Variants in AKAP6 observed in about 807,000 individuals in gnomAD.
The protein encoded by AKAP6 is A-kinase anchoring protein 6, also known as A-kinase anchor protein 6.
In AKAP6, 58 loss-of-function variants were observed where a neutral mutation model predicts 188.5. The ratio of observed to expected loss-of-function variants is 0.31; its 90% CI spans 0.25 to 0.38. The LOEUF is 0.38. Ranked by LOEUF, AKAP6 falls within the 10% of genes least tolerant of loss-of-function variation. The pLI is 1.00. For synonymous variants in AKAP6, 989 were observed against 998.6 expected (o/e 0.99, Z 0.18); for missense variants, 2,710 against 2,740.0 (o/e 0.99, Z 0.24).
At chr14:32,419,915 A>G (rs1182899932) in intron 1 of AKAP6, among the ~76,000 whole-genome samples, 1 of 152,094 alleles carries the variant, frequency 6.6e-6, no homozygotes, top group African/African-American at 2.4e-5. Context: ...CAAAAGAAAA[A>G]AAACAAAAAA....
chr14:32,390,789 G>A (rs1397063886), intron 1 of AKAP6, among the ~76,000 whole-genome samples: 1 of 152,116 alleles, frequency 6.6e-6, no homozygotes, highest in Non-Finnish European at 1.5e-5. Context: ...CCTTCAGGGG[G>A]TATGTGGGTC....
chr14:32,742,004 T>C (rs1365373994), intron 11 of AKAP6, among the ~76,000 whole-genome samples: 1 of 151,696 alleles, frequency 6.6e-6, no homozygotes, highest in Non-Finnish European at 1.5e-5. Context: ...ATCGGGTCCC[T>C]GGCTTTTCTT....
At chr14:32,414,195 T>G (rs912636098) in intron 1 of AKAP6, among the ~76,000 whole-genome samples, 1 of 152,110 alleles carries the variant, frequency 6.6e-6, no homozygotes, top group African/African-American at 2.4e-5. Context: ...TTTGATTTCA[T>G]AAGGTCTAGA....
At chr14:32,664,868 CA>C (rs751682041) in intron 7 of AKAP6, among the ~76,000 whole-genome samples, 1 of 152,038 alleles carries the variant, frequency 6.6e-6, no homozygotes, top group Non-Finnish European at 1.5e-5. Flanking sequence ...GGTAAACACT[CA>C]AGACTTGGAG....
chr14:32,433,285 C>T (rs1403353669), intron 1 of AKAP6, 175 bp from the exon 2 acceptor site: 2 of 543,128 alleles, frequency 3.7e-6, no homozygotes, highest in Non-Finnish European at 6.5e-6. Flanking sequence ...TTTCCTGGCT[C>T]TTGGGGCTAC....
intron 12 of AKAP6, among the ~76,000 whole-genome samples, chr14:32,819,011 C>T (rs555971810): frequency 2.0e-5 from 3 of 152,286 alleles, no homozygotes; most frequent in African/African-American, 7.2e-5. Context: ...AAGATTTTAA[C>T]ATTCATTAGC....
At chr14:32,620,350 G>A (rs1270941845) in intron 7 of AKAP6, among the ~76,000 whole-genome samples, 5 of 151,978 alleles carry the variant, frequency 3.3e-5, no homozygotes, top group African/African-American at 1.2e-4. Context: ...TCTATGCCTA[G>A]TTTGTTGAGG....
chr14:32,631,215 T>A (rs1299902019), intron 7 of AKAP6, among the ~76,000 whole-genome samples: 1 of 152,042 alleles, frequency 6.6e-6, no homozygotes, highest in Non-Finnish European at 1.5e-5. Flanking sequence ...ATGTTATTTT[T>A]AAAAAATTAT....
chr14:32,410,825 T>G (rs1189755451), intron 1 of AKAP6, among the ~76,000 whole-genome samples: 2 of 152,226 alleles, frequency 1.3e-5, no homozygotes, highest in Non-Finnish European at 2.9e-5. Flanking sequence ...CTTTAGATGA[T>G]GTTGTTAGAA....
chr14:32,806,968 C>G (rs1032778110), intron 12 of AKAP6, among the ~76,000 whole-genome samples: 1 of 151,254 alleles, frequency 6.6e-6, no homozygotes, highest in South Asian at 2.1e-4. Context: ...GTGGGAGACT[C>G]GTTTGAACCT....
At chr14:32,701,727 C>T (rs527984371) in intron 9 of AKAP6, among the ~76,000 whole-genome samples, 3 of 152,200 alleles carry the variant, frequency 2.0e-5, no homozygotes, top group African/African-American at 4.8e-5. Flanking sequence ...CATAAATTCA[C>T]ACATTTCAGC....
chr14:32,583,520 A>T (rs955282547), intron 5 of AKAP6, among the ~76,000 whole-genome samples: 3 of 152,198 alleles, frequency 2.0e-5, no homozygotes, highest in African/African-American at 7.2e-5. Context: ...AGACAGGGAC[A>T]TTTAAGTCTG....
chr14:32,344,915 T>TAA (rs11297648), intron 1 of AKAP6, among the ~76,000 whole-genome samples: 60 of 105,418 alleles, frequency 5.7e-4, no homozygotes, highest in African/African-American at 1.8e-3. Flanking sequence ...GACTCTGTCT[T>TAA]AAAAAAAAAA....
intron 10 of AKAP6, chr14:32,734,715 T>G (rs1338921829): frequency 1.3e-5 from 2 of 152,086 alleles, no homozygotes; most frequent in Non-Finnish European, 2.9e-5. Flanking sequence ...ATTATCAGTA[T>G]TTTCACCATG....
intron 1 of AKAP6, among the ~76,000 whole-genome samples, chr14:32,357,567 A>C (rs1416643645): frequency 6.6e-6 from 1 of 152,214 alleles, no homozygotes; most frequent in Non-Finnish European, 1.5e-5. Context: ...CTGTGGACTG[A>C]TGTTTAAAAA....
rs138933383 is a variant in AKAP6 at position 32,462,246 on chromosome 14, C to G, written c.324+28429C>G. Among the ~76,000 whole-genome samples, 418 of 152,204 alleles carry G rather than the reference C, an allele frequency of 2.7e-3. 4 individuals carry two copies. Among genetic ancestry groups the G allele is most frequent in the African/African-American group, 9.1e-3 (377 of 41,542 alleles). On this transcript the variant is annotated intron_variant, in intron 2 of 13. Transcript: ENST00000280979. ...TACAGAGAATACCACTAAGATACTC[C>G]TTGAGAAGAGCAACCCCAAGACACA...
chr14:32,365,452 T>C (rs1221398653), intron 1 of AKAP6, among the ~76,000 whole-genome samples: 2 of 152,132 alleles, frequency 1.3e-5, no homozygotes, highest in Non-Finnish European at 2.9e-5. Flanking sequence ...AAGCTTTCCT[T>C]TGGAACCGAC....
chr14:32,355,901 A>G (rs1272582855), intron 1 of AKAP6, among the ~76,000 whole-genome samples: 2 of 151,896 alleles, frequency 1.3e-5, no homozygotes, highest in Admixed American at 1.3e-4. Flanking sequence ...CAACCTCCCA[A>G]GTAGCTGGGA....
chr14:32,661,277 A>C (rs547199105), intron 7 of AKAP6, among the ~76,000 whole-genome samples: 1 of 152,064 alleles, frequency 6.6e-6, no homozygotes, highest in Non-Finnish European at 1.5e-5. Flanking sequence ...GTATAATAAT[A>C]AATCCTGCTG....
Sources: allele counts gnomAD v4.1 joint callset (sites outside exome capture counted in the v4.1 genomes callset), GRCh38; gene constraint gnomAD v4.1.1; transcripts MANE v1.5; gene names NCBI Gene and HGNC (gene_info 2026-07-23, HGNC 2026-07-21).